HERC2: variants seen among roughly 807,000 people sequenced by gnomAD.
The protein encoded by HERC2 is HECT and RLD domain containing E3 ubiquitin protein ligase 2.
In HERC2, 102 loss-of-function variants were observed where a neutral mutation model predicts 537.7. That is an observed-to-expected ratio of 0.19 (90% CI 0.16 to 0.22). The LOEUF (loss-of-function observed/expected upper bound fraction) is 0.22. Among genes scored for constraint, HERC2 ranks in the 10% least tolerant of loss-of-function variants. The pLI is 1.00. For synonymous variants in HERC2, 2,224 were observed against 2,466.2 expected (o/e 0.90, Z 2.91); for missense variants, 4,236 against 6,198.2 (o/e 0.68, Z 10.63).
chr15:28,256,125 G>A lies in HERC2; in HGVS notation c.2710C>T (p.Arg904Trp). Residue 904 changes from arginine to tryptophan, a missense_variant, in exon 18 of 93, where the codon CGG (arginine) becomes TGG (tryptophan). Physicochemically the swap from Arg to Trp is moderately radical, Grantham distance 101. Transcript: ENST00000261609. The part of the protein sequence containing the change: ...WSVLLPTAEE[R>W]ARALSALLPC... Reference sequence around the variant, plus strand: ...AGGAGAGCAGAGAGTGCCCGGGCCCGCTCCTCCGCGGTGGGCAGCAGCACG... The same window carrying A: ...AGGAGAGCAGAGAGTGCCCGGGCCCACTCCTCCGCGGTGGGCAGCAGCACG... The A allele has an allele frequency of 6.2e-7, 1 of 1,601,998 alleles. No individual in the cohort carries two copies. Among genetic ancestry groups the A allele is most frequent in the Non-Finnish European group, 8.5e-7 (1 of 1,179,360 alleles).
chr15:28,124,750 A>G (rs1889290199), intron 84 of HERC2, among the ~76,000 whole-genome samples: 1 of 152,298 alleles, frequency 6.6e-6, no homozygotes, highest in South Asian at 2.1e-4. Context: ...GGGTTTTGCT[A>G]TGTTGTCCAG....
chr15:28,155,542 C>T (rs1332897879), intron 69 of HERC2, among the ~76,000 whole-genome samples: 1 of 151,698 alleles, frequency 6.6e-6, no homozygotes, highest in Non-Finnish European at 1.5e-5. Flanking sequence ...TTTCATGTGT[C>T]TGGTGGCTGC....
At chr15:28,160,310 G>A (rs537567225) in intron 69 of HERC2, among the ~76,000 whole-genome samples, 18 of 152,306 alleles carry the variant, frequency 1.2e-4, no homozygotes, top group South Asian at 4.1e-4. Context: ...CCTTTTGTTC[G>A]GCTATGGCCT....
chr15:28,204,678 A>G (rs890323152), intron 45 of HERC2, among the ~76,000 whole-genome samples: 7 of 152,036 alleles, frequency 4.6e-5, no homozygotes, highest in Non-Finnish European at 8.8e-5. Context: ...GAAGAGATAT[A>G]AAACTATTAA....
At chr15:28,282,941 C>T (rs1405545065) in intron 4 of HERC2, among the ~76,000 whole-genome samples, 14 of 130,854 alleles carry the variant, frequency 1.1e-4, no homozygotes, top group Admixed American at 9.1e-4. Flanking sequence ...TGGGAAGGGA[C>T]GGGAAGGGAT....
chr15:28,121,045 G>A (rs1418058149), intron 86 of HERC2, among the ~76,000 whole-genome samples: 1 of 152,232 alleles, frequency 6.6e-6, no homozygotes, highest in Non-Finnish European at 1.5e-5. Context: ...AACAGCAGCG[G>A]TTATCATCAT....
intron 2 of HERC2, among the ~76,000 whole-genome samples, chr15:28,305,921 T>C (rs2076774256): frequency 6.6e-6 from 1 of 152,162 alleles, no homozygotes; most frequent in Non-Finnish European, 1.5e-5. Flanking sequence ...AAAAAATACA[T>C]GAAAAATGCT....
At chr15:28,277,604 G>A (rs948101522) in intron 5 of HERC2, among the ~76,000 whole-genome samples, 2 of 152,072 alleles carry the variant, frequency 1.3e-5, no homozygotes, top group African/African-American at 4.8e-5. Flanking sequence ...AGCCATTTCT[G>A]CAGCTGAGGG....
At chr15:28,181,635 TTG>T (rs1895825996) in intron 57 of HERC2, among the ~76,000 whole-genome samples, 1 of 152,252 alleles carries the variant, frequency 6.6e-6, no homozygotes, top group Non-Finnish European at 1.5e-5. Context: ...GGAATTTGCT[TTG>T]TGGCTCCTCA....
intron 23 of HERC2, among the ~76,000 whole-genome samples, chr15:28,239,130 T>C (rs1902775740): frequency 2.0e-5 from 3 of 152,068 alleles, no homozygotes; most frequent in Non-Finnish European, 2.9e-5. Context: ...TCCACATATT[T>C]GAAAATTATA....
At chr15:28,290,871 C>T (rs913964192) in intron 4 of HERC2, among the ~76,000 whole-genome samples, 13 of 152,038 alleles carry the variant, frequency 8.6e-5, no homozygotes, top group African/African-American at 3.1e-4. Flanking sequence ...GACAAAAAAT[C>T]TAAAGTCAAT....
At chr15:28,124,435 C>G (rs1203907365) in intron 84 of HERC2, among the ~76,000 whole-genome samples, 2 of 152,188 alleles carry the variant, frequency 1.3e-5, no homozygotes, top group African/African-American at 2.4e-5. Context: ...TTAGTCTATA[C>G]AAATAAATTC....
In HERC2 at chr15:28,189,822, CTAAAA is replaced by C. The variant is rs972695829; in HGVS notation, c.8649+1138_8649+1142del. ...ATTACAAATTACTATTTGGTTAAAA[CTAAAA>C]TAAAACTTTTTTAAAAAATGAATGG... On this transcript the variant is annotated intron_variant, in intron 55 of 92. Coordinates refer to ENST00000261609, the MANE Select transcript of HERC2 (RefSeq NM_004667.6). 2.4e-3 allele frequency among the ~76,000 whole-genome samples: 370 copies of C among 152,050 alleles called. 2 individuals carry two copies. The highest frequency in any genetic ancestry group is 7.9e-3 in the African/African-American group (327 of 41,476).
At chr15:28,184,393 G>A (rs1896106453) in intron 56 of HERC2, among the ~76,000 whole-genome samples, 1 of 152,042 alleles carries the variant, frequency 6.6e-6, no homozygotes, top group Non-Finnish European at 1.5e-5. Context: ...GAGACTGCCT[G>A]GGCCACTGAC....
chr15:28,153,111 T>C (rs1373679847), intron 69 of HERC2, among the ~76,000 whole-genome samples: 3 of 152,220 alleles, frequency 2.0e-5, no homozygotes. Flanking sequence ...CCCAGCACTT[T>C]GGAAGGCCGA....
chr15:28,272,372 G>A lies in HERC2; in HGVS notation c.926C>T (p.Ala309Val), dbSNP rs752908306. Residue 309 changes from alanine (A) to valine (V), a missense_variant, in exon 9 of 93, where the codon GCC (alanine) becomes GTC (valine). Physicochemically the swap from Ala to Val is moderately conservative, Grantham distance 64. Coordinates refer to ENST00000261609, the MANE Select transcript of HERC2 (RefSeq NM_004667.6). ...CCACAGCTGAAGCAACAACAGGATG[G>A]CAGACAACATTTGGCTAAAGGAGAA... is the stretch of plus-strand genomic sequence containing the variant. ...QRGTLSQMLS[A>V]ILLLLQLWDS... 4 of 1,611,686 alleles carry A rather than the reference G, an allele frequency of 2.5e-6. No individual in the cohort carries two copies. In the Admixed American group the frequency reaches 6.7e-5, roughly 27 times the overall value.
At chr15:28,299,002 T>A (rs971540383) in intron 3 of HERC2, among the ~76,000 whole-genome samples, 8 of 152,120 alleles carry the variant, frequency 5.3e-5, no homozygotes, top group Middle Eastern at 3.2e-3. Context: ...CAAGCAGCCA[T>A]TTTTTTAAAC....
At chr15:28,304,122 C>T (rs141538748) in intron 2 of HERC2, among the ~76,000 whole-genome samples, 9,279 of 127,984 alleles carry the variant, frequency 0.073, 396 homozygotes, top group East Asian at 0.36. Context: ...GCCGAGATTG[C>T]GCCATTGCTT....
At chr15:28,121,878 A>C (rs1888931685) in intron 85 of HERC2, among the ~76,000 whole-genome samples, 2 of 151,304 alleles carry the variant, frequency 1.3e-5, no homozygotes, top group Admixed American at 1.3e-4. Context: ...CCGCGGAGCC[A>C]GCCGGACCTT....
Sources: gnomAD v4.1 joint callset for allele counts (sites outside exome capture counted in the v4.1 genomes callset) on GRCh38, gnomAD v4.1.1 for gene constraint, MANE v1.5 for transcripts, NCBI Gene and HGNC (gene_info 2026-07-23, HGNC 2026-07-21) for gene names.